The following EYS variants were observed in gnomAD, a reference collection of about 807,000 sequenced individuals.
EYS encodes the protein EGF-like photoreceptor maintenance factor, also known as protein eyes shut homolog.
EYS carries 250 observed loss-of-function variants against 282.1 expected under a neutral mutation model. The observed-to-expected ratio is 0.89, with a 90% CI of 0.80 to 0.98. The LOEUF (loss-of-function observed/expected upper bound fraction) is 0.98. Ranked by LOEUF, EYS falls within the 50% of genes least tolerant of loss-of-function variation. EYS has a pLI of 0.00. For synonymous variants in EYS, 1,355 were observed against 1,282.9 expected (o/e 1.06, Z -1.20); for missense variants, 4,016 against 3,709.0 (o/e 1.08, Z -2.15).
intron 36 of EYS, among the ~76,000 whole-genome samples, chr6:63,849,240 AG>A (rs1000631350): frequency 2.0e-5 from 3 of 152,226 alleles, no homozygotes; most frequent in Admixed American, 1.3e-4. Context: ...ACCTGGGGAG[AG>A]GGGTGGCTGT....
rs569750572 is a variant in EYS, at chr6:65,181,415, T to C, written c.2023+114448A>G. On this transcript the variant is annotated intron_variant, in intron 12 of 42. Transcript: ENST00000503581. Reference sequence around the variant, plus strand: ...GGGTGAAGGATATGAACAGACACTTTTCAAAAGAAGACATTTATGCAGCCA... The same window carrying C: ...GGGTGAAGGATATGAACAGACACTTCTCAAAAGAAGACATTTATGCAGCCA... Among the ~76,000 whole-genome samples the C allele has an allele frequency of 7.2e-4, 109 of 152,162 alleles. 1 individual carries two copies. The South Asian group carries it at 0.021, about 30-fold the overall frequency.
intron 36 of EYS, among the ~76,000 whole-genome samples, chr6:63,850,387 A>G (rs1772215082): frequency 6.6e-6 from 1 of 152,196 alleles, no homozygotes; most frequent in African/African-American, 2.4e-5. Context: ...AGATTCACCA[A>G]GATTGAAATG....
chr6:64,790,511 A>T (rs1774157442), intron 22 of EYS, among the ~76,000 whole-genome samples: 1 of 151,966 alleles, frequency 6.6e-6, no homozygotes, highest in South Asian at 2.1e-4. Flanking sequence ...ACTTTTTATG[A>T]CTATTTTTAT....
At chr6:65,410,691 T>C (rs1333841650) in intron 5 of EYS, among the ~76,000 whole-genome samples, 6 of 151,450 alleles carry the variant, frequency 4.0e-5, no homozygotes, top group African/African-American at 1.5e-4. Context: ...TCAATTAACA[T>C]GATGTATATC....
At chr6:64,142,268 G>A (rs1183971526) in intron 31 of EYS, among the ~76,000 whole-genome samples, 3 of 151,964 alleles carry the variant, frequency 2.0e-5, no homozygotes, top group African/African-American at 7.3e-5. Flanking sequence ...AAATAGTCTG[G>A]TATATATGGA....
intron 22 of EYS, among the ~76,000 whole-genome samples, chr6:64,647,405 C>T (rs1038457669): frequency 1.3e-5 from 2 of 152,048 alleles, no homozygotes; most frequent in African/African-American, 4.8e-5. Flanking sequence ...TATTTAAACT[C>T]TACAAGATAA....
intron 12 of EYS, among the ~76,000 whole-genome samples, chr6:65,168,584 C>G (rs1006841416): frequency 6.6e-6 from 1 of 151,084 alleles, no homozygotes; most frequent in Non-Finnish European, 1.5e-5. Flanking sequence ...ACTCTCATGA[C>G]CTAATATTGC....
intron 19 of EYS, among the ~76,000 whole-genome samples, chr6:64,850,203 A>G (rs532187217): frequency 6.6e-6 from 1 of 152,126 alleles, no homozygotes; most frequent in Non-Finnish European, 1.5e-5. Flanking sequence ...TCATGGATGC[A>G]TATTTTATTT....
chr6:64,760,775 T>A (rs1773131351), intron 22 of EYS, among the ~76,000 whole-genome samples: 1 of 152,134 alleles, frequency 6.6e-6, no homozygotes. Context: ...GAGAGAGGGC[T>A]GACATTCAGC....
chr6:64,888,718 C>G (rs1035756388), intron 18 of EYS, among the ~76,000 whole-genome samples: 1 of 151,894 alleles, frequency 6.6e-6, no homozygotes, highest in Non-Finnish European at 1.5e-5. Context: ...TTGCGAATAT[C>G]TCCCCATCTA....
chr6:64,870,281 A>C (rs2150053598), intron 19 of EYS, among the ~76,000 whole-genome samples: 1 of 151,832 alleles, frequency 6.6e-6, no homozygotes, highest in Non-Finnish European at 1.5e-5. Flanking sequence ...CATATTAGAA[A>C]GTGATTGTGA....
At chr6:64,310,474 C>CA (rs1318431655) in intron 29 of EYS, among the ~76,000 whole-genome samples, 20 of 152,022 alleles carry the variant, frequency 1.3e-4, no homozygotes, top group Admixed American at 8.5e-4. Flanking sequence ...GAAACTAATA[C>CA]AGAAAAAGAA....
At chr6:64,833,563 T>C (rs1448063314) in intron 19 of EYS, among the ~76,000 whole-genome samples, 1 of 151,862 alleles carries the variant, frequency 6.6e-6, no homozygotes, top group East Asian at 1.9e-4. Context: ...AAAACAATCA[T>C]TACATAATTT....
At chr6:65,141,628 A>G (rs567048362) in intron 12 of EYS, among the ~76,000 whole-genome samples, 1 of 120,166 alleles carries the variant, frequency 8.3e-6, no homozygotes, top group African/African-American at 3.3e-5. Flanking sequence ...TCAGTGAGTC[A>G]GTCTGTCTGT....
At chr6:65,655,412 T>A (rs1206890310) in intron 1 of EYS, among the ~76,000 whole-genome samples, 2 of 151,714 alleles carry the variant, frequency 1.3e-5, no homozygotes, top group South Asian at 2.1e-4. Flanking sequence ...TAATAAGTTG[T>A]TGTTTATAGT....
chr6:63,760,630 A>ATATG (rs533168681), intron 41 of EYS, among the ~76,000 whole-genome samples: 5 of 148,040 alleles, frequency 3.4e-5, no homozygotes, highest in African/African-American at 7.5e-5. Context: ...ATCTATGTAC[A>ATATG]TATGTATGTA....
At chr6:64,451,291 C>T (rs1399971435) in intron 26 of EYS, among the ~76,000 whole-genome samples, 2 of 152,208 alleles carry the variant, frequency 1.3e-5, no homozygotes, top group Non-Finnish European at 2.9e-5. Context: ...CACACACACT[C>T]TCCCAAGACT....
intron 26 of EYS, among the ~76,000 whole-genome samples, chr6:64,473,698 T>C (rs1776188235): frequency 6.6e-6 from 1 of 152,186 alleles, no homozygotes; most frequent in South Asian, 2.1e-4. Flanking sequence ...AATTATGTAA[T>C]CAGTGCTACA....
intron 31 of EYS, among the ~76,000 whole-genome samples, chr6:64,101,884 A>G (rs576882154): frequency 7.2e-5 from 11 of 151,852 alleles, no homozygotes; most frequent in Non-Finnish European, 1.6e-4. Context: ...GGGGTGATGT[A>G]TTAGATTCTC....
Sources: allele counts gnomAD v4.1 joint callset (sites outside exome capture counted in the v4.1 genomes callset), GRCh38; gene constraint gnomAD v4.1.1; transcripts MANE v1.5; gene names NCBI Gene and HGNC (gene_info 2026-07-23, HGNC 2026-07-21).